PACRGL: variants seen among roughly 807,000 people sequenced by gnomAD.
The protein encoded by PACRGL is PACRG-like protein.
Under a neutral mutation model 34.5 loss-of-function variants are expected in PACRGL, and 38 were observed. The observed-to-expected ratio is 1.10, with a 90% CI of 0.85 to 1.44. The LOEUF (loss-of-function observed/expected upper bound fraction) is 1.44. Among genes scored for constraint, PACRGL ranks in the 40% most tolerant of loss-of-function variants. The pLI is 0.00. For missense variants in PACRGL, 305 were observed against 281.4 expected, an observed-to-expected ratio of 1.08 and a Z score of -0.60; for synonymous variants, 128 against 100.1, an observed-to-expected ratio of 1.28 and a Z score of -1.66.
At chr4:20,759,824 A>G in the PACRGL span, among the ~76,000 whole-genome samples, 5 of 152,048 alleles carry the variant, frequency 3.3e-5, no homozygotes, top group Admixed American at 6.6e-5. Context: ...GAGACTGACA[A>G]TCACATGATA....
chr4:20,727,748 G>T lies in PACRGL; in HGVS notation c.*407G>T. 6.3e-6 allele frequency: 1 copy of T among 159,570 alleles called. No homozygotes were observed. The highest frequency in any genetic ancestry group is 1.4e-5 in the Non-Finnish European group (1 of 72,778). 9.9% of individuals were successfully genotyped at this position (159,570 alleles called of 1,614,324 possible). ...TTTAATGTTTAACAAGGCTATAGAA[G>T]TTTAAAATAGTGGACAAATGTTTGT... is the stretch of plus-strand genomic sequence containing the variant. On this transcript the variant is annotated 3_prime_UTR_variant, in exon 9 of 9. Coordinates refer to ENST00000503585, the MANE Select transcript of PACRGL (RefSeq NM_001258345.3).
intron 8 of PACRGL, among the ~76,000 whole-genome samples, chr4:20,742,743 G>A (rs982455960): frequency 6.6e-6 from 1 of 152,054 alleles, no homozygotes; most frequent in Admixed American, 6.6e-5. Flanking sequence ...GGAAATAAAG[G>A]GTATTCAATT....
chr4:20,760,351 A>G, the PACRGL span, among the ~76,000 whole-genome samples: 32 of 152,162 alleles, frequency 2.1e-4, 1 homozygote, highest in Admixed American at 2.1e-3. Flanking sequence ...TAAATTTGAT[A>G]CTGTTTCCAG....
intron 3 of PACRGL, among the ~76,000 whole-genome samples, chr4:20,706,581 CT>C (rs879864380): frequency 1.1e-3 from 161 of 144,802 alleles, no homozygotes; most frequent in Admixed American, 1.5e-3. Flanking sequence ...GGAAATGAAT[CT>C]TTTTTTTTTT....
chr4:20,743,357 T>A (rs1751635300), intron 8 of PACRGL, among the ~76,000 whole-genome samples: 2 of 152,182 alleles, frequency 1.3e-5, no homozygotes, highest in Non-Finnish European at 2.9e-5. Flanking sequence ...TCATGCTGCC[T>A]GACTTCAAAC....
chr4:20,734,793 A>G, downstream of PACRGL: 1 of 981,856 alleles, frequency 1.0e-6, no homozygotes, highest in South Asian at 1.6e-5. Context: ...AAAAACAAAA[A>G]AAACAAATGA....
At position 20,709,680 on chromosome 4, in the gene PACRGL, T is replaced by C. The variant is rs182695167; in HGVS notation, c.276-3T>C. ...GTTGCATTCACTAACTTTTATATTT[T>C]AGATTGGTACATGGTTCAGTAAAAC... On this transcript the variant is annotated splice_region_variant and splice_polypyrimidine_tract_variant and intron_variant, in intron 4 of 8. Transcript: ENST00000503585. 14 of 1,565,522 alleles carry C rather than the reference T, an allele frequency of 8.9e-6. No homozygotes were observed. Among genetic ancestry groups the C allele is most frequent in the Admixed American group, 3.8e-5 (2 of 53,248 alleles).
chr4:20,729,310 T>TTAATGATTGATAC lies in PACRGL; in HGVS notation c.*1983_*1995dup, dbSNP rs371662327. 1 of 151,742 alleles carries TTAATGATTGATAC rather than the reference T, an allele frequency of 6.6e-6. No individual in the cohort carries two copies. 9.4% of individuals were successfully genotyped at this position (151,742 alleles called of 1,614,324 possible). The stretch of plus-strand genomic sequence containing the variant: ...GTTTGATGCCTTCTTCAACTTCCAC[T>TTAATGATTGATAC]TAATGATTGATACTAATGATTGATA... On this transcript the variant is annotated 3_prime_UTR_variant, in exon 9 of 9. Transcript: ENST00000503585.
rs1239029647 is a variant in PACRGL at position 20,728,371 on chromosome 4, T to C, written c.*1030T>C. ...CTTGTACATGCATTCATTGATTTTG[T>C]TGTGCTTATGTTTAGCAATTTTTAA... On this transcript the variant is annotated 3_prime_UTR_variant, in exon 9 of 9. Coordinates refer to ENST00000503585, the MANE Select transcript of PACRGL (RefSeq NM_001258345.3). 6.6e-6 allele frequency: 1 copy of C among 151,942 alleles called. No homozygotes were observed. Among genetic ancestry groups the C allele is most frequent in the Non-Finnish European group, 1.5e-5 (1 of 67,998 alleles). The allele number at this position is 151,942 out of a possible 1,614,324, so 9.4% of individuals were successfully genotyped here.
intron 8 of PACRGL, 143 bp downstream of exon 8, chr4:20,725,031 A>G (rs1285608567): frequency 4.0e-6 from 2 of 504,160 alleles, no homozygotes; most frequent in African/African-American, 4.0e-5. Context: ...TTCCTTTTAG[A>G]ACTCAAGAGT....
intron 7 of PACRGL, 67 bp from the exon 8 acceptor site, chr4:20,724,741 C>T (rs1744894477): frequency 2.4e-6 from 2 of 842,536 alleles, no homozygotes; most frequent in Non-Finnish European, 3.3e-6. Context: ...TGAAGATTTA[C>T]TTATGCGTAT....
Position 20,704,660 on chromosome 4 carries a change from G to GT in PACRGL, c.54dup (p.Asn19Ter). On this transcript the variant is annotated frameshift_variant and splice_region_variant, in exon 3 of 9. Transcript: ENST00000503585. LOFTEE classifies it high-confidence loss of function. ...CTATTGATGTTCTGTTTTTTTCCAG[G>GT]TAACTATGATCAAAGGACATCATCA... is the stretch of plus-strand genomic sequence containing the variant. 6.2e-7 allele frequency: 1 copy of GT among 1,613,604 alleles called. No homozygotes were observed. The highest frequency in any genetic ancestry group is 8.5e-7 in the Non-Finnish European group (1 of 1,179,856).
intron 8 of PACRGL, among the ~76,000 whole-genome samples, chr4:20,746,298 C>T (rs534406917): frequency 6.6e-6 from 1 of 152,030 alleles, no homozygotes; most frequent in African/African-American, 2.4e-5. Context: ...TGCATGTTCT[C>T]ACTCATAGCT....
At chr4:20,708,001 A>C (rs961741992) in intron 4 of PACRGL, 131 bp downstream of exon 4, 8 of 723,886 alleles carry the variant, frequency 1.1e-5, no homozygotes, top group Non-Finnish European at 1.8e-5. Context: ...CTTTATTCAC[A>C]CTTTCTTTTG....
intron 7 of PACRGL, among the ~76,000 whole-genome samples, chr4:20,722,830 C>G (rs535377000): frequency 6.6e-6 from 1 of 152,094 alleles, no homozygotes; most frequent in Non-Finnish European, 1.5e-5. Flanking sequence ...AGTTCTATAC[C>G]GCATACTGAT....
chr4:20,723,057 G>A (rs1219225037), intron 7 of PACRGL, among the ~76,000 whole-genome samples: 1 of 152,180 alleles, frequency 6.6e-6, no homozygotes, highest in Non-Finnish European at 1.5e-5. Flanking sequence ...AAGTAGGTGC[G>A]ATGGTGACTC....
chr4:20,761,681 T>C, the PACRGL span, among the ~76,000 whole-genome samples: 8 of 152,128 alleles, frequency 5.3e-5, no homozygotes, highest in Non-Finnish European at 7.4e-5. Flanking sequence ...ATCAACAAAT[T>C]TGTTAGCTGC....
chr4:20,748,894 G>GTA (rs57841958), intron 8 of PACRGL, among the ~76,000 whole-genome samples: 5,900 of 145,124 alleles, frequency 0.041, 174 homozygotes, highest in Admixed American at 0.098. Flanking sequence ...GTGTGTGTGT[G>GTA]TATATATATA....
At chr4:20,751,450 A>C (rs1753610859) in intron 8 of PACRGL, among the ~76,000 whole-genome samples, 1 of 152,150 alleles carries the variant, frequency 6.6e-6, no homozygotes, top group African/African-American at 2.4e-5. Flanking sequence ...TACTCTCAGC[A>C]GTACTTTTTC....
Sources: allele counts gnomAD v4.1 joint callset (sites outside exome capture counted in the v4.1 genomes callset), GRCh38; gene constraint gnomAD v4.1.1; transcripts MANE v1.5; gene names NCBI Gene and HGNC (gene_info 2026-07-23, HGNC 2026-07-21).